GSE1: variants seen among roughly 807,000 people sequenced by gnomAD.
GSE1 encodes the protein Gse1 coiled-coil protein, also known as genetic suppressor element 1.
A neutral mutation model predicts 112.6 loss-of-function variants in GSE1; 32 were observed. The ratio of observed to expected loss-of-function variants is 0.28; its 90% CI spans 0.21 to 0.38. The LOEUF is 0.38. Ranked by LOEUF, GSE1 falls within the 10% of genes least tolerant of loss-of-function variation. The pLI is 1.00. For synonymous variants in GSE1, 1,115 were observed against 735.6 expected (o/e 1.52, Z -8.35); for missense variants, 2,348 against 1,699.2 (o/e 1.38, Z -6.71).
intron 2 of GSE1, among the ~76,000 whole-genome samples, chr16:85,420,893 G>A (rs2048827062): frequency 1.3e-5 from 2 of 152,222 alleles, no homozygotes; most frequent in South Asian, 4.1e-4. Flanking sequence ...CGGCTGCGGC[G>A]GCGATGGCGG....
intron 1 of GSE1, among the ~76,000 whole-genome samples, chr16:85,219,750 C>T (rs927990651): frequency 1.3e-5 from 2 of 152,230 alleles, no homozygotes; most frequent in Non-Finnish European, 2.9e-5. Context: ...GCCCCTCCTT[C>T]CCCCTTCTGC....
At chr16:85,410,986 CGG>C (rs2048518604) in intron 2 of GSE1, among the ~76,000 whole-genome samples, 1 of 91,842 alleles carries the variant, frequency 1.1e-5, no homozygotes, top group Non-Finnish European at 2.0e-5. Context: ...CAGGGCCCCC[CGG>C]ATAATCCTCA....
At chr16:85,566,937 G>A (rs1598209056) in intron 1 of GSE1, among the ~76,000 whole-genome samples, 1 of 152,176 alleles carries the variant, frequency 6.6e-6, no homozygotes, top group South Asian at 2.1e-4. Flanking sequence ...GGGCGGTCAC[G>A]TAGGCCTCTC....
rs547114829 is a variant in GSE1, at chr16:85,283,930, G to A, written c.2284-73533G>A. Among the ~76,000 whole-genome samples, 320 of 152,214 alleles carry A rather than the reference G, an allele frequency of 2.1e-3. 4 individuals carry two copies. Among genetic ancestry groups the A allele is most frequent in the Admixed American group, 0.014 (212 of 15,286 alleles). On this transcript the variant is annotated intron_variant, in intron 1 of 2. Coordinates refer to the GSE1 transcript ENST00000637419. Reference sequence around the variant, plus strand: ...TCCATGCTTTTATCCGCTCCACCACGTCTCCCTCCTGCCCACATGTCCTCA... The same window carrying A: ...TCCATGCTTTTATCCGCTCCACCACATCTCCCTCCTGCCCACATGTCCTCA...
intron 2 of GSE1, among the ~76,000 whole-genome samples, chr16:85,467,734 C>T (rs995092923): frequency 2.6e-5 from 4 of 152,230 alleles, no homozygotes; most frequent in Middle Eastern, 6.8e-3. Flanking sequence ...AAAGGCTGCC[C>T]GGGTTCAAGG....
chr16:85,553,153 A>G (rs956282856), upstream of GSE1, among the ~76,000 whole-genome samples: 2 of 143,784 alleles, frequency 1.4e-5, no homozygotes, highest in African/African-American at 5.2e-5. Context: ...CCCGCCCCCC[A>G]GGGGCACAGA....
At chr16:85,358,081 G>C (rs890335700) in intron 2 of GSE1, among the ~76,000 whole-genome samples, 2 of 152,174 alleles carry the variant, frequency 1.3e-5, no homozygotes, top group African/African-American at 4.8e-5. Flanking sequence ...AGGCTGCTCT[G>C]TGCGGGGAGA....
Position 85,266,060 on chromosome 16 carries a change from GA to G in GSE1, c.2284-91401del, listed in dbSNP as rs200404479. Among the ~76,000 whole-genome samples, 69 of 152,300 alleles carry G rather than the reference GA, an allele frequency of 4.5e-4. No homozygotes were observed. In the East Asian group the frequency reaches 0.012, roughly 27 times the overall value. On this transcript the variant is annotated intron_variant, in intron 1 of 2. Coordinates refer to the GSE1 transcript ENST00000637419. ...CCGCGGCGCTGGGCTCTGGAGTGAG[GA>G]AGGGAATCGCTCATGCTGTCATGGG...
At chr16:85,604,764 A>AT (rs1390647707) in intron 1 of GSE1, among the ~76,000 whole-genome samples, 3 of 5,134 alleles carry the variant, frequency 5.8e-4, no homozygotes, top group South Asian at 6.0e-3. Flanking sequence ...AAAAAAAAAA[A>AT]AAAAAAAAAA....
At chr16:85,618,085 G>A (rs1014300528) in intron 1 of GSE1, among the ~76,000 whole-genome samples, 2 of 152,120 alleles carry the variant, frequency 1.3e-5, no homozygotes, top group East Asian at 1.9e-4. Flanking sequence ...GGGTGGATTC[G>A]TGTTCACCTG....
intron 1 of GSE1, among the ~76,000 whole-genome samples, chr16:85,198,945 ATT>A (rs768150861): frequency 5.0e-5 from 7 of 139,772 alleles, no homozygotes; most frequent in Middle Eastern, 3.8e-3. Context: ...CACCCGGCTA[ATT>A]TTTTTTTTTT....
upstream of GSE1, among the ~76,000 whole-genome samples, chr16:85,612,106 C>G (rs964611659): frequency 6.6e-6 from 1 of 151,958 alleles, no homozygotes; most frequent in Non-Finnish European, 1.5e-5. Context: ...GGAGCGACCC[C>G]GGGGCCTCAG....
intron 1 of GSE1, among the ~76,000 whole-genome samples, chr16:85,199,563 A>G (rs1440310294): frequency 6.6e-6 from 1 of 152,146 alleles, no homozygotes; most frequent in Non-Finnish European, 1.5e-5. Context: ...GAAAAGAGAC[A>G]CGTTTCTTCT....
chr16:85,652,507 C>T lies in GSE1; in HGVS notation c.427-1771C>T, dbSNP rs577324120. Among the ~76,000 whole-genome samples, 50 of 152,250 alleles carry T rather than the reference C, an allele frequency of 3.3e-4. No homozygotes were observed. The South Asian group carries it at 3.9e-3, about 12-fold the overall frequency. ...AGAAGGGGGGCCGGGGCTCAGCCCG[C>T]GGGAAGGGAGCAGATGCTGCCTCTC... On this transcript the variant is annotated intron_variant, in intron 3 of 15. Transcript: ENST00000253458.
At chr16:85,368,229 T>C (rs547981107) in intron 2 of GSE1, among the ~76,000 whole-genome samples, 2 of 152,312 alleles carry the variant, frequency 1.3e-5, no homozygotes, top group South Asian at 4.1e-4. Context: ...AGGTTCTTAC[T>C]GCATTCCAGA....
At chr16:85,336,257 A>T (rs1203787699) in intron 1 of GSE1, among the ~76,000 whole-genome samples, 2 of 152,148 alleles carry the variant, frequency 1.3e-5, no homozygotes, top group African/African-American at 4.8e-5. Flanking sequence ...GGATTGGCTG[A>T]TGGATTTTTG....
intron 1 of GSE1, among the ~76,000 whole-genome samples, chr16:85,248,515 T>C (rs1906113136): frequency 6.6e-6 from 1 of 151,718 alleles, no homozygotes. Flanking sequence ...TCTTCCTCCC[T>C]CTTTGCCTCT....
At position 85,546,411 on chromosome 16, in the gene GSE1, C is replaced by T. The variant is rs1270171165; in HGVS notation, c.2465-87503C>T. On this transcript the variant is annotated intron_variant, in intron 2 of 2. Coordinates refer to the GSE1 transcript ENST00000637419. ...GTGTTGTTAGTTAAACTCACACAAG[C>T]CCCCGTAACAAAGAGGCTCAACCTC... 3.9e-5 allele frequency among the ~76,000 whole-genome samples: 6 copies of T among 152,146 alleles called. No homozygotes were observed. The South Asian group carries it at 1.2e-3, about 32-fold the overall frequency.
At chr16:85,530,036 G>A (rs538139340) in intron 2 of GSE1, among the ~76,000 whole-genome samples, 3 of 152,316 alleles carry the variant, frequency 2.0e-5, no homozygotes, top group East Asian at 3.9e-4. Context: ...CAACCTGCCC[G>A]CATGTACCCA....
Sources: gnomAD v4.1 joint callset for allele counts (sites outside exome capture counted in the v4.1 genomes callset) on GRCh38, gnomAD v4.1.1 for gene constraint, MANE v1.5 for transcripts, NCBI Gene and HGNC (gene_info 2026-07-23, HGNC 2026-07-21) for gene names.